Variants in VRK2 observed in about 807,000 individuals in gnomAD.
VRK2 encodes the protein serine/threonine-protein kinase VRK2.
In VRK2, 60 loss-of-function variants were observed where a neutral mutation model predicts 57.6. The ratio of observed to expected loss-of-function variants is 1.04; its 90% CI spans 0.85 to 1.29. The LOEUF is 1.29. Among genes scored for constraint, VRK2 ranks in the 50% most tolerant of loss-of-function variants. VRK2 has a pLI of 0.00. For missense variants in VRK2, 705 were observed against 588.1 expected (o/e 1.20, Z -2.06); for synonymous variants, 231 against 199.2 (o/e 1.16, Z -1.35).
chr2:57,972,168 T>C (rs7560639), intron 1 of VRK2, among the ~76,000 whole-genome samples: 1,736 of 151,942 alleles, frequency 0.011, 37 homozygotes, highest in African/African-American at 0.039. Context: ...ATATGGCAAT[T>C]GTGGGTGTTC....
intron 3 of VRK2, among the ~76,000 whole-genome samples, chr2:58,038,006 A>G (rs140692668): frequency 3.0e-4 from 46 of 152,258 alleles, no homozygotes; most frequent in Admixed American, 9.2e-4. Flanking sequence ...CTACATGCCA[A>G]TATAGGAATT....
chr2:58,062,481 G>A (rs1677493744), intron 2 of VRK2, among the ~76,000 whole-genome samples: 1 of 152,092 alleles, frequency 6.6e-6, no homozygotes, highest in South Asian at 2.1e-4. Flanking sequence ...GCTCAGATAG[G>A]TTAAAGGCTA....
At position 58,046,840 on chromosome 2, in the gene VRK2, G is replaced by C. The variant is rs1268573835; in HGVS notation, c.-34G>C. On this transcript the variant is annotated 5_prime_UTR_variant, in exon 1 of 13. Transcript: ENST00000340157. ...GCGGCAGGTAGGAGGCGGTGCGCGC[G>C]GCCCGGCGACGGGGGATCCTGAGGC... 1.0e-6 allele frequency: 1 copy of C among 985,430 alleles called. No individual in the cohort carries two copies. The highest frequency in any genetic ancestry group is 4.7e-5 in the South Asian group (1 of 21,294). 61.0% of individuals were successfully genotyped at this position (985,430 alleles called of 1,614,324 possible).
At chr2:58,002,857 G>A (rs905197546) in intron 1 of VRK2, among the ~76,000 whole-genome samples, 11 of 152,134 alleles carry the variant, frequency 7.2e-5, no homozygotes, top group South Asian at 2.1e-4. Flanking sequence ...TTCATTTTGT[G>A]TTTGGAAATT....
At chr2:58,056,738 G>T (rs1370950780) in intron 2 of VRK2, among the ~76,000 whole-genome samples, 2 of 152,164 alleles carry the variant, frequency 1.3e-5, no homozygotes, top group East Asian at 3.9e-4. Context: ...AAATAGTAGT[G>T]TGGTGGCATG....
At chr2:58,020,244 TC>T (rs1422586060) in intron 1 of VRK2, among the ~76,000 whole-genome samples, 2 of 152,240 alleles carry the variant, frequency 1.3e-5, no homozygotes, top group African/African-American at 2.4e-5. Context: ...AGAGTCTTGC[TC>T]TGTTGTCCCG....
chr2:57,977,960 A>C (rs1021429027), intron 1 of VRK2, among the ~76,000 whole-genome samples: 1 of 151,260 alleles, frequency 6.6e-6, no homozygotes, highest in African/African-American at 2.5e-5. Context: ...CCCTTTCTGC[A>C]TCTATTGAGA....
At chr2:57,954,052 T>C (rs1671508517) in intron 1 of VRK2, among the ~76,000 whole-genome samples, 1 of 152,266 alleles carries the variant, frequency 6.6e-6, no homozygotes, top group Non-Finnish European at 1.5e-5. Flanking sequence ...TGTTTCAGTG[T>C]TTAGAACACT....
At position 57,964,103 on chromosome 2, in the gene VRK2, T is replaced by TC. The variant is rs1030920397; in HGVS notation, c.-439+56269dup. On this transcript the variant is annotated intron_variant, in intron 1 of 15. Transcript: ENST00000417641. Reference sequence around the variant, plus strand: ...GTTAGGGAGCTAGCCCCTTCCCCTCTCCCCCAACACAGCTGAAAATCCACA... The same window carrying TC: ...GTTAGGGAGCTAGCCCCTTCCCCTCTCCCCCCAACACAGCTGAAAATCCACA... Among the ~76,000 whole-genome samples the TC allele has an allele frequency of 5.1e-4, 78 of 152,160 alleles. 2 individuals carry two copies. Among genetic ancestry groups the TC allele is most frequent in the African/African-American group, 1.8e-3 (73 of 41,516 alleles).
chr2:58,023,383 AT>A (rs1673823647), intron 1 of VRK2, among the ~76,000 whole-genome samples: 1 of 152,166 alleles, frequency 6.6e-6, no homozygotes, highest in Non-Finnish European at 1.5e-5. Flanking sequence ...CAAAATTTCT[AT>A]ATACATACAC....
intron 8 of VRK2, among the ~76,000 whole-genome samples, chr2:58,126,225 GC>G (rs1558669075): frequency 6.6e-6 from 1 of 151,876 alleles, no homozygotes; most frequent in East Asian, 1.9e-4. Flanking sequence ...TCTTGGTCAG[GC>G]CAAGAGACCT....
At chr2:58,148,073 G>A (rs898321339) in intron 12 of VRK2, among the ~76,000 whole-genome samples, 2 of 151,692 alleles carry the variant, frequency 1.3e-5, no homozygotes, top group Non-Finnish European at 3.0e-5. Flanking sequence ...TTGCTGGGTC[G>A]TAGGGCAGGT....
chr2:57,932,958 A>G (rs968158775), intron 1 of VRK2, among the ~76,000 whole-genome samples: 1 of 152,022 alleles, frequency 6.6e-6, no homozygotes, highest in Non-Finnish European at 1.5e-5. Context: ...ATGTTGTTTA[A>G]TTTCCATATA....
intron 2 of VRK2, among the ~76,000 whole-genome samples, chr2:58,079,153 T>C (rs768391177): frequency 1.2e-4 from 18 of 152,180 alleles, no homozygotes; most frequent in Non-Finnish European, 2.2e-4. Flanking sequence ...TTATGTGTTA[T>C]TTAGTAAGAA....
In VRK2 at chr2:58,159,815, C is replaced by T. The variant is rs767450055; in HGVS notation, c.*122C>T. On this transcript the variant is annotated 3_prime_UTR_variant, in exon 13 of 13. Coordinates refer to ENST00000340157, the MANE Select transcript of VRK2 (RefSeq NM_006296.7). The stretch of plus-strand genomic sequence containing the variant: ...AAGGTAATTGGCTTTAAAAAGAGAA[C>T]ATATTTTAACAAAGTTTGTGGACAC... The T allele has an allele frequency of 6.2e-7, 1 of 1,611,746 alleles. No homozygotes were observed. The highest frequency in any genetic ancestry group is 1.7e-5 in the Admixed American group (1 of 59,714).
intron 10 of VRK2, among the ~76,000 whole-genome samples, chr2:58,135,435 T>G (rs1370629248): frequency 6.7e-6 from 1 of 148,608 alleles, no homozygotes; most frequent in Non-Finnish European, 1.5e-5. Flanking sequence ...TAGGTTCTGC[T>G]TAGTGCTTTT....
At chr2:58,058,887 C>T (rs1676930136) in intron 2 of VRK2, among the ~76,000 whole-genome samples, 1 of 152,122 alleles carries the variant, frequency 6.6e-6, no homozygotes, top group African/African-American at 2.4e-5. Flanking sequence ...GGTCCCTGCC[C>T]TACTGATGTC....
chr2:58,030,107 T>C (rs1484264317), intron 2 of VRK2, among the ~76,000 whole-genome samples: 2 of 152,144 alleles, frequency 1.3e-5, no homozygotes, highest in African/African-American at 2.4e-5. Flanking sequence ...TCTCCCATTA[T>C]AAAGCCGTTG....
intron 8 of VRK2, 38 bp from the exon 9 acceptor site, chr2:58,131,770 T>G (rs1679225173): frequency 6.5e-7 from 1 of 1,548,490 alleles, no homozygotes; most frequent in Admixed American, 2.2e-5. Context: ...AAGGACTTGC[T>G]TATCCCTTAT....
Sources: allele counts gnomAD v4.1 joint callset (sites outside exome capture counted in the v4.1 genomes callset), GRCh38; gene constraint gnomAD v4.1.1; transcripts MANE v1.5; gene names NCBI Gene and HGNC (gene_info 2026-07-23, HGNC 2026-07-21).